Variants in CLIP4 observed in about 807,000 individuals in gnomAD.
The protein encoded by CLIP4 is CAP-Gly domain containing linker protein family member 4.
In CLIP4, 47 loss-of-function variants were observed where a neutral mutation model predicts 73.1. The ratio of observed to expected loss-of-function variants is 0.64; its 90% CI spans 0.51 to 0.82. The LOEUF (loss-of-function observed/expected upper bound fraction) is 0.82. Ranked by LOEUF, CLIP4 falls within the 40% of genes least tolerant of loss-of-function variation. The pLI is 0.00. For missense variants in CLIP4, 874 were observed against 852.9 expected (o/e 1.02, Z -0.31); for synonymous variants, 306 against 295.4 (o/e 1.04, Z -0.37).
intron 1 of CLIP4, among the ~76,000 whole-genome samples, chr2:29,120,480 T>C (rs1170742774): frequency 6.6e-6 from 1 of 152,184 alleles, no homozygotes; most frequent in African/African-American, 2.4e-5. Context: ...GATCAAGCCA[T>C]TGATTACCTA....
At chr2:29,175,892 G>T (rs1045962392) in intron 15 of CLIP4, among the ~76,000 whole-genome samples, 1 of 151,852 alleles carries the variant, frequency 6.6e-6, no homozygotes, top group African/African-American at 2.4e-5. Context: ...CTCCCAAGCA[G>T]CTGGGACTAC....
chr2:29,162,907 T>C (rs948598846), intron 12 of CLIP4, among the ~76,000 whole-genome samples: 1 of 152,182 alleles, frequency 6.6e-6, no homozygotes, highest in Admixed American at 6.5e-5. Context: ...AGAAACACTA[T>C]TTTTGTAATT....
chr2:29,107,358 GTTTTTTTTTTT>G (rs796180363), intron 1 of CLIP4, among the ~76,000 whole-genome samples: 105 of 65,358 alleles, frequency 1.6e-3, no homozygotes, highest in South Asian at 9.7e-3. Context: ...GAACATGATA[GTTTTTTTTTTT>G]TTTTTTTTTT....
At position 29,155,833 on chromosome 2, in the gene CLIP4, T is replaced by C. The variant is rs117793148; in HGVS notation, c.1166-521T>C. Among the ~76,000 whole-genome samples, 633 of 152,310 alleles carry C rather than the reference T, an allele frequency of 4.2e-3. 5 individuals carry two copies. The highest frequency in any genetic ancestry group is 0.016 in the East Asian group (84 of 5,184). ...GTGTTATTTAACTAGACTCTGTTCATGCCAGTATTCCTTTTCAAAGCCCAG... is the reference window on the plus strand; with the variant it reads ...GTGTTATTTAACTAGACTCTGTTCACGCCAGTATTCCTTTTCAAAGCCCAG... On this transcript the variant is annotated intron_variant, in intron 9 of 15. Coordinates refer to ENST00000320081, the MANE Select transcript of CLIP4 (RefSeq NM_024692.6).
At chr2:29,135,743 A>G in intron 6 of CLIP4, 77 bp downstream of exon 6, 2 of 990,258 alleles carry the variant, frequency 2.0e-6, no homozygotes, top group East Asian at 2.7e-5. Context: ...TTGAATCTGA[A>G]TGTTATTAAT....
intron 8 of CLIP4, among the ~76,000 whole-genome samples, chr2:29,146,524 ACCTAT>A (rs1666177645): frequency 6.6e-6 from 1 of 152,120 alleles, no homozygotes; most frequent in Non-Finnish European, 1.5e-5. Flanking sequence ...TCTCACACAC[ACCTAT>A]CCTGTCTATT....
chr2:29,163,616 C>G (rs1166715688), intron 12 of CLIP4, among the ~76,000 whole-genome samples: 3 of 152,108 alleles, frequency 2.0e-5, no homozygotes, highest in African/African-American at 7.2e-5. Flanking sequence ...TAATGTACTG[C>G]TCTGCAATTA....
chr2:29,151,539 T>C (rs986742147), intron 8 of CLIP4, among the ~76,000 whole-genome samples: 12 of 151,026 alleles, frequency 7.9e-5, no homozygotes, highest in African/African-American at 2.7e-4. Context: ...TTAAAAAAGA[T>C]AAGAAAATCA....
At chr2:29,105,666 C>T (rs1668180207) in intron 1 of CLIP4, among the ~76,000 whole-genome samples, 1 of 152,176 alleles carries the variant, frequency 6.6e-6, no homozygotes, top group Non-Finnish European at 1.5e-5. Flanking sequence ...TGTTTGTGTA[C>T]CCCCAAATCA....
intron 9 of CLIP4, among the ~76,000 whole-genome samples, chr2:29,153,469 A>G (rs1666716404): frequency 6.6e-6 from 1 of 151,178 alleles, no homozygotes; most frequent in Non-Finnish European, 1.5e-5. Context: ...AGTTCACTTT[A>G]ATCTCCTCAT....
At chr2:29,154,049 G>A (rs1323668415) in intron 9 of CLIP4, among the ~76,000 whole-genome samples, 1 of 152,138 alleles carries the variant, frequency 6.6e-6, no homozygotes, top group Non-Finnish European at 1.5e-5. Context: ...TAAATTATGA[G>A]TTTAGAATAT....
In CLIP4 at chr2:29,121,528, G is replaced by A. The variant is rs1572881974; in HGVS notation, c.133+7G>A. On this transcript the variant is annotated splice_region_variant and intron_variant, in intron 2 of 15. Coordinates refer to ENST00000320081, the MANE Select transcript of CLIP4 (RefSeq NM_024692.6). ...CCAATGCCTTCAGACTGTGGTATGT[G>A]AAGTAGCTGTGCTTATTTTCTGTGA... is the stretch of plus-strand genomic sequence containing the variant. 6.2e-7 allele frequency: 1 copy of A among 1,612,408 alleles called. No individual in the cohort carries two copies. Among genetic ancestry groups the A allele is most frequent in the East Asian group, 2.2e-5 (1 of 44,834 alleles).
At chr2:29,106,042 G>T (rs1334274434) in intron 1 of CLIP4, among the ~76,000 whole-genome samples, 1 of 150,828 alleles carries the variant, frequency 6.6e-6, no homozygotes, top group African/African-American at 2.4e-5. Context: ...AGGTATCATG[G>T]TTTAGCATTT....
In CLIP4 at chr2:29,158,157, T is replaced by C. The variant is rs551722928; in HGVS notation, c.1399+810T>C. Among the ~76,000 whole-genome samples, 11 of 152,296 alleles carry C rather than the reference T, an allele frequency of 7.2e-5. No individual in the cohort carries two copies. In the South Asian group the frequency reaches 2.3e-3, roughly 32 times the overall value. On this transcript the variant is annotated intron_variant, in intron 11 of 15. Transcript: ENST00000320081. Reference sequence around the variant, plus strand: ...AACCTGAAAGTTTTCCCTGAAATTGTTTGCCTGGAATATTTATTCTCTGAG... The same window carrying C: ...AACCTGAAAGTTTTCCCTGAAATTGCTTGCCTGGAATATTTATTCTCTGAG...
intron 2 of CLIP4, among the ~76,000 whole-genome samples, chr2:29,129,112 T>C (rs957619828): frequency 1.1e-4 from 16 of 152,188 alleles, no homozygotes; most frequent in African/African-American, 3.9e-4. Flanking sequence ...CTAAGCATCA[T>C]CTTGTTTTTC....
chr2:29,101,289 C>A (rs1373006327), intron 1 of CLIP4, among the ~76,000 whole-genome samples: 12 of 147,570 alleles, frequency 8.1e-5, no homozygotes, highest in African/African-American at 2.8e-4. Context: ...TTTTTTTTCC[C>A]CCCCCCAAAA....
rs13003156 is a variant in CLIP4 at position 29,146,756 on chromosome 2, G to C, written c.1021+1389G>C. ...TTCTTTACTTACCAGCTATGTGACT[G>C]TCTTTCTCTTCTTGTGCCTCAGTTG... On this transcript the variant is annotated intron_variant, in intron 8 of 15. Coordinates refer to ENST00000320081, the MANE Select transcript of CLIP4 (RefSeq NM_024692.6). Among the ~76,000 whole-genome samples, 127 of 152,172 alleles carry C rather than the reference G, an allele frequency of 8.3e-4. 1 individual carries two copies. Among genetic ancestry groups the C allele is most frequent in the African/African-American group, 2.9e-3 (120 of 41,498 alleles).
intron 1 of CLIP4, among the ~76,000 whole-genome samples, chr2:29,120,985 T>C (rs1053474730): frequency 6.6e-6 from 1 of 152,172 alleles, no homozygotes; most frequent in Non-Finnish European, 1.5e-5. Context: ...AGCTATTGGA[T>C]GACAAATGAT....
At chr2:29,171,810 G>A (rs569354966) in intron 14 of CLIP4, among the ~76,000 whole-genome samples, 3 of 151,998 alleles carry the variant, frequency 2.0e-5, no homozygotes, top group Admixed American at 1.3e-4. Flanking sequence ...GAGCCACCGC[G>A]CCTGGCCTAG....
Sources: allele counts gnomAD v4.1 joint callset (sites outside exome capture counted in the v4.1 genomes callset), GRCh38; gene constraint gnomAD v4.1.1; transcripts MANE v1.5; gene names NCBI Gene and HGNC (gene_info 2026-07-23, HGNC 2026-07-21).